SHLD1: variants seen among roughly 807,000 people sequenced by gnomAD.
SHLD1 encodes the protein RINN1-REV7-interacting novel NHEJ regulator 3.
SHLD1 carries 3 observed loss-of-function variants against 5.5 expected under a neutral mutation model. The ratio of observed to expected loss-of-function variants is 0.54; its 90% CI spans 0.25 to 1.40. SHLD1 has a LOEUF of 1.40. SHLD1 is among the 40% of genes most tolerant of loss of function. The pLI is 0.15. For synonymous variants in SHLD1, 92 were observed against 94.3 expected, an observed-to-expected ratio of 0.98 and a Z score of 0.14; for missense variants, 210 against 244.4, an observed-to-expected ratio of 0.86 and a Z score of 0.94.
At position 5,825,597 on chromosome 20, in the gene SHLD1, C is replaced by T. The variant is rs576598429; in HGVS notation, c.179-37427C>T. Among the ~76,000 whole-genome samples the T allele has an allele frequency of 1.2e-4, 19 of 152,260 alleles. 1 individual carries two copies. In the South Asian group the frequency reaches 1.5e-3, roughly 12 times the overall value. Reference sequence around the variant, plus strand: ...GATATGCCACTTAAAATAACAAGGCCGGCACAGTGGCTCATGCCTGTAATC... The same window carrying T: ...GATATGCCACTTAAAATAACAAGGCTGGCACAGTGGCTCATGCCTGTAATC... On this transcript the variant is annotated intron_variant, in intron 2 of 2. Coordinates refer to ENST00000303142, the MANE Select transcript of SHLD1 (RefSeq NM_152504.4).
chr20:5,775,703 T>C lies in SHLD1; in HGVS notation c.178+2660T>C, dbSNP rs114794829. 5.5e-3 allele frequency among the ~76,000 whole-genome samples: 832 copies of C among 152,232 alleles called. 10 individuals carry two copies. Among genetic ancestry groups the C allele is most frequent in the African/African-American group, 0.019 (788 of 41,520 alleles). On this transcript the variant is annotated intron_variant, in intron 2 of 2. Transcript: ENST00000303142. ...TGGTTGGAATTCTGGTTCTGCTTCT[T>C]CCCCTGGTTTGACTTTGGGCGAGCC... is the stretch of plus-strand genomic sequence containing the variant.
In SHLD1 at chr20:5,850,152, T is replaced by TAATAATA. The variant is rs2087989942; in HGVS notation, c.179-12870_179-12869insTAATAAA. Among the ~76,000 whole-genome samples, 6 of 75,978 alleles carry TAATAATA rather than the reference T, an allele frequency of 7.9e-5. No homozygotes were observed. The South Asian group carries it at 2.9e-3, about 37-fold the overall frequency. The allele number at this position is 75,978 out of a possible 152,430, so 49.8% of individuals were successfully genotyped here. ...TAATAATAATAATAATAATAATAAT[T>TAATAATA]AACTGAGACAACAGGCCTAAACCAG... On this transcript the variant is annotated intron_variant, in intron 2 of 2. Transcript: ENST00000303142.
intron 1 of SHLD1, among the ~76,000 whole-genome samples, chr20:5,764,011 C>T (rs1373614175): frequency 6.9e-6 from 1 of 145,516 alleles, no homozygotes; most frequent in Non-Finnish European, 1.5e-5. Context: ...CCTGTAATCC[C>T]AGCTACTCGG....
intron 2 of SHLD1, chr20:5,773,266 A>G (rs1253723587): frequency 1.5e-6 from 1 of 665,684 alleles, no homozygotes; most frequent in African/African-American, 1.8e-5. Flanking sequence ...TCTTTTTGTT[A>G]TTGTTGCTGT....
chr20:5,782,718 A>G (rs2087003295), intron 2 of SHLD1, among the ~76,000 whole-genome samples: 2 of 152,202 alleles, frequency 1.3e-5, no homozygotes, highest in African/African-American at 4.8e-5. Context: ...TAACTTGTGT[A>G]TTTAGGCATT....
intron 2 of SHLD1, among the ~76,000 whole-genome samples, chr20:5,825,832 T>C (rs766360466): frequency 3.0e-4 from 45 of 152,250 alleles, no homozygotes; most frequent in Non-Finnish European, 1.3e-4. Context: ...TATGATCTTA[T>C]CTGCTGCAAG....
intron 2 of SHLD1, among the ~76,000 whole-genome samples, chr20:5,838,496 C>G (rs2087815576): frequency 1.3e-5 from 2 of 152,270 alleles, no homozygotes; most frequent in South Asian, 4.1e-4. Flanking sequence ...TGCAGTGGCT[C>G]ATGCCTGTAA....
intron 2 of SHLD1, among the ~76,000 whole-genome samples, chr20:5,838,659 G>A (rs2087817639): frequency 6.6e-6 from 1 of 152,208 alleles, no homozygotes; most frequent in Non-Finnish European, 1.5e-5. Flanking sequence ...TACTCGGGAG[G>A]CTGAGGCAGG....
rs1363359117 is a variant in SHLD1 at position 5,855,271 on chromosome 20, A to G, written c.179-7753A>G. On this transcript the variant is annotated intron_variant, in intron 2 of 2. Coordinates refer to ENST00000303142, the MANE Select transcript of SHLD1 (RefSeq NM_152504.4). This position sits in a 1 kb window ranked among gnomAD's most constrained non-coding sequence, Gnocchi z 4.4. ...TGGCTGGCTTATTTCACTTAGCATAATGTCCTCAGGGTTCGTTCATGTTGT... is the reference window on the plus strand; with the variant it reads ...TGGCTGGCTTATTTCACTTAGCATAGTGTCCTCAGGGTTCGTTCATGTTGT... Among the ~76,000 whole-genome samples, 1 of 152,166 alleles carries G rather than the reference A, an allele frequency of 6.6e-6. No homozygotes were observed. Among genetic ancestry groups the G allele is most frequent in the Non-Finnish European group, 1.5e-5 (1 of 68,034 alleles).
In SHLD1 at chr20:5,852,873, A is replaced by G. The variant is rs572062873; in HGVS notation, c.179-10151A>G. On this transcript the variant is annotated intron_variant, in intron 2 of 2. Transcript: ENST00000303142. ...ATCCCCGAGTATTATGTGTGTTGGG[A>G]CTAGAGAGGAGTTTGGCTACTCATA... 3.9e-5 allele frequency among the ~76,000 whole-genome samples: 6 copies of G among 152,278 alleles called. No homozygotes were observed. In the South Asian group the frequency reaches 1.2e-3, roughly 32 times the overall value.
At chr20:5,835,491 G>A (rs2087778492) in intron 2 of SHLD1, among the ~76,000 whole-genome samples, 2 of 152,176 alleles carry the variant, frequency 1.3e-5, no homozygotes, top group Non-Finnish European at 2.9e-5. Context: ...CTGTGGTGGG[G>A]GCTGGCCAGC....
At chr20:5,849,741 T>C (rs371139147) in intron 2 of SHLD1, among the ~76,000 whole-genome samples, 23 of 147,136 alleles carry the variant, frequency 1.6e-4, no homozygotes, top group Admixed American at 4.0e-4. Flanking sequence ...GGGTGGATCA[T>C]GAGGTCAGGA....
At chr20:5,834,583 C>T (rs1348093045) in intron 2 of SHLD1, among the ~76,000 whole-genome samples, 1 of 152,128 alleles carries the variant, frequency 6.6e-6, no homozygotes, top group Non-Finnish European at 1.5e-5. Context: ...ATTAATCAAG[C>T]TTAGTAGCAC....
At chr20:5,754,949 G>A (rs543772061) in intron 1 of SHLD1, among the ~76,000 whole-genome samples, 6 of 152,186 alleles carry the variant, frequency 3.9e-5, no homozygotes, top group East Asian at 3.9e-4. Context: ...CCAGCTACTC[G>A]GGAGGCTGAG....
At chr20:5,757,582 T>C (rs917309325) in intron 1 of SHLD1, among the ~76,000 whole-genome samples, 2 of 152,254 alleles carry the variant, frequency 1.3e-5, no homozygotes, top group African/African-American at 4.8e-5. Context: ...ATTCTACTAA[T>C]GTAGCATATT....
intron 2 of SHLD1, among the ~76,000 whole-genome samples, chr20:5,843,518 C>A (rs139812818): frequency 6.6e-5 from 10 of 151,924 alleles, no homozygotes; most frequent in Non-Finnish European, 1.3e-4. Context: ...TTGTTAAGCA[C>A]CCCCACCTTG....
chr20:5,803,242 T>G (rs1324374516), intron 2 of SHLD1, among the ~76,000 whole-genome samples: 1 of 152,132 alleles, frequency 6.6e-6, no homozygotes, highest in African/African-American at 2.4e-5. Context: ...CATAACTCAC[T>G]GCAGCTTTGA....
Position 5,863,246 on chromosome 20 carries a change from G to T in SHLD1, c.401G>T (p.Gly134Val). Reference sequence around the variant, plus strand: ...TCTCAGAAAATCACTCAACTAAGAGGCCAGGAGAGCCAAAAGTATGCCCTC... The same window carrying T: ...TCTCAGAAAATCACTCAACTAAGAGTCCAGGAGAGCCAAAAGTATGCCCTC... ...CLSQKITQLRGQESQKYALRS... is the reference protein window; with the variant it reads ...CLSQKITQLRVQESQKYALRS... Residue 134 changes from glycine (G) to valine (V), a missense_variant, in exon 3 of 3, where the codon GGC becomes GTC. By Grantham distance (109) the Gly-to-Val change is moderately radical (BLOSUM62 -3). Transcript: ENST00000303142. 1 of 1,614,160 alleles carries T rather than the reference G, an allele frequency of 6.2e-7. No individual in the cohort carries two copies.
Position 5,806,005 on chromosome 20 carries a change from C to T in SHLD1, c.178+32962C>T, listed in dbSNP as rs76350908. Reference sequence around the variant, plus strand: ...GCCTTTGGGGTTTGAAGGGCATTATCGCTTTAAACATGTTTTTTGATTTAA... The same window carrying T: ...GCCTTTGGGGTTTGAAGGGCATTATTGCTTTAAACATGTTTTTTGATTTAA... On this transcript the variant is annotated intron_variant, in intron 2 of 2. Transcript: ENST00000303142. This position sits in a 1 kb window ranked among gnomAD's most constrained non-coding sequence, Gnocchi z 7.6. 2.6e-3 allele frequency among the ~76,000 whole-genome samples: 400 copies of T among 152,228 alleles called. 1 individual carries two copies. Among genetic ancestry groups the T allele is most frequent in the African/African-American group, 8.6e-3 (358 of 41,540 alleles).
Sources: allele counts gnomAD v4.1 joint callset (sites outside exome capture counted in the v4.1 genomes callset), GRCh38; gene constraint gnomAD v4.1.1; non-coding constraint Gnocchi (gnomAD v3.1); transcripts MANE v1.5; gene names NCBI Gene and HGNC (gene_info 2026-07-23, HGNC 2026-07-21).